Variants in RAPGEF5 observed in about 807,000 individuals in gnomAD.
RAPGEF5 encodes the protein Rap guanine nucleotide exchange factor 5, also known as M-Ras-regulated GEF.
In RAPGEF5, 65 loss-of-function variants were observed where a neutral mutation model predicts 125.2. The observed-to-expected ratio is 0.52, with a 90% CI of 0.43 to 0.64. The LOEUF (loss-of-function observed/expected upper bound fraction) is 0.64, where lower values mean the gene tolerates loss of function less well. RAPGEF5 is among the 30% of genes least tolerant of loss of function. The probability of loss-of-function intolerance (pLI) is 0.00; values close to 1 mark genes in which losing one functional copy is unlikely to be tolerated. For missense variants in RAPGEF5, 958 were observed against 1,048.1 expected (o/e 0.91, Z 1.19); for synonymous variants, 391 against 385.9 (o/e 1.01, Z -0.16).
intron 7 of RAPGEF5, among the ~76,000 whole-genome samples, chr7:22,235,253 T>C (rs1786159525): frequency 6.6e-6 from 1 of 152,224 alleles, no homozygotes; most frequent in African/African-American, 2.4e-5. Flanking sequence ...ATTAAGGGTC[T>C]CATCTGATGT....
At chr7:22,158,129 T>C (rs1489451360) in intron 14 of RAPGEF5, among the ~76,000 whole-genome samples, 2 of 152,192 alleles carry the variant, frequency 1.3e-5, no homozygotes, top group African/African-American at 2.4e-5. Flanking sequence ...CCACAGAAAG[T>C]AAAGCTCAGA....
chr7:22,291,061 G>C, intron 6 of RAPGEF5, 114 bp downstream of exon 6: 1 of 1,227,774 alleles, frequency 8.1e-7, no homozygotes, highest in Non-Finnish European at 1.1e-6. Context: ...CTCCCACAAT[G>C]ATGAGCAGCC....
intron 1 of RAPGEF5, among the ~76,000 whole-genome samples, chr7:22,344,469 G>A (rs1784186322): frequency 6.6e-6 from 1 of 152,284 alleles, no homozygotes; most frequent in African/African-American, 2.4e-5. Context: ...ATTGAGGAGG[G>A]ACTGCCCAGG....
intron 12 of RAPGEF5, among the ~76,000 whole-genome samples, chr7:22,164,874 A>G: frequency 1.3e-5 from 2 of 152,336 alleles, no homozygotes; most frequent in African/African-American, 4.8e-5. Flanking sequence ...CTTATCTAAA[A>G]TATCTAAAAC....
chr7:22,308,261 G>T, intron 5 of RAPGEF5, 78 bp downstream of exon 5: 2 of 1,329,404 alleles, frequency 1.5e-6, no homozygotes, highest in East Asian at 2.8e-5. Flanking sequence ...TGATCTTAAA[G>T]AGCAGAATAT....
intron 7 of RAPGEF5, among the ~76,000 whole-genome samples, chr7:22,252,162 G>T (rs1235513384): frequency 6.6e-6 from 1 of 152,174 alleles, no homozygotes; most frequent in Non-Finnish European, 1.5e-5. Flanking sequence ...TCCAGGCTTA[G>T]CAATGTGTAT....
At chr7:22,266,090 A>G (rs943044582) in intron 7 of RAPGEF5, among the ~76,000 whole-genome samples, 25 of 152,306 alleles carry the variant, frequency 1.6e-4, no homozygotes, top group African/African-American at 5.5e-4. Context: ...TCAAATTCTT[A>G]GGGTTTCTAA....
At chr7:22,336,665 G>A (rs73683353) in intron 1 of RAPGEF5, among the ~76,000 whole-genome samples, 21,668 of 152,114 alleles carry the variant, frequency 0.14, 1,541 homozygotes, top group East Asian at 0.17. Flanking sequence ...ACAGAAGTTC[G>A]TGCCATTTGC....
intron 11 of RAPGEF5, among the ~76,000 whole-genome samples, chr7:22,178,141 C>T (rs1392925923): frequency 1.3e-5 from 2 of 151,542 alleles, no homozygotes; most frequent in East Asian, 3.9e-4. Flanking sequence ...TGAAATGGTC[C>T]ACAAATTCCT....
intron 1 of RAPGEF5, among the ~76,000 whole-genome samples, chr7:22,334,313 A>AAC (rs1284568620): frequency 4.6e-5 from 7 of 152,278 alleles, no homozygotes; most frequent in South Asian, 2.1e-4. Flanking sequence ...TAGTATTAAT[A>AAC]ACACACACAC....
rs560873322 is a variant in RAPGEF5, at chr7:22,118,324, A to G, written c.*4082T>C. 6.9e-6 allele frequency: 1 copy of G among 145,014 alleles called. No homozygotes were observed. The highest frequency in any genetic ancestry group is 2.0e-4 in the East Asian group (1 of 5,072). 9.0% of individuals were successfully genotyped at this position (145,014 alleles called of 1,614,324 possible). ...TGAATAGTGTCTTTAACATAGTCTCATATTTGGAAAAGCAGTTTTAAAAAA... is the reference window on the plus strand; with the variant it reads ...TGAATAGTGTCTTTAACATAGTCTCGTATTTGGAAAAGCAGTTTTAAAAAA... On this transcript the variant is annotated 3_prime_UTR_variant, in exon 26 of 26. Transcript: ENST00000665637.
At chr7:22,172,027 A>G (rs1012501993) in intron 11 of RAPGEF5, among the ~76,000 whole-genome samples, 1 of 152,222 alleles carries the variant, frequency 6.6e-6, no homozygotes. Context: ...AAAACTTGAA[A>G]TAAAATATAT....
chr7:22,321,695 C>T (rs949823299), intron 1 of RAPGEF5, among the ~76,000 whole-genome samples: 1 of 152,168 alleles, frequency 6.6e-6, no homozygotes, highest in Non-Finnish European at 1.5e-5. Context: ...AGCCACTGTC[C>T]CTTTTCCTAT....
At position 22,304,492 on chromosome 7, in the gene RAPGEF5, T is replaced by G. The variant is rs1783286913; in HGVS notation, c.680+3847A>C. Reference sequence around the variant, plus strand: ...TGCAAATTTTAAAATTTTTCATTTTTAGAAATTAGAGTAGACCCAAGGTTT... The same window carrying G: ...TGCAAATTTTAAAATTTTTCATTTTGAGAAATTAGAGTAGACCCAAGGTTT... On this transcript the variant is annotated intron_variant, in intron 5 of 25. Transcript: ENST00000665637. Among the ~76,000 whole-genome samples the G allele has an allele frequency of 3.3e-5, 5 of 152,276 alleles. No homozygotes were observed. In the South Asian group the frequency reaches 1.0e-3, roughly 31 times the overall value.
intron 9 of RAPGEF5, among the ~76,000 whole-genome samples, chr7:22,204,451 T>G (rs540045492): frequency 6.6e-6 from 1 of 152,306 alleles, no homozygotes; most frequent in East Asian, 1.9e-4. Context: ...CGTGAGGAAA[T>G]GCTTGTGTGT....
intron 24 of RAPGEF5, among the ~76,000 whole-genome samples, chr7:22,128,326 A>G (rs1424811260): frequency 6.6e-6 from 1 of 152,220 alleles, no homozygotes; most frequent in Non-Finnish European, 1.5e-5. Context: ...TAAAGAACAG[A>G]AATCTCATTA....
Position 22,175,094 on chromosome 7 carries a change from G to A in RAPGEF5, c.1205-7946C>T, listed in dbSNP as rs563432736. 2.2e-4 allele frequency among the ~76,000 whole-genome samples: 33 copies of A among 152,250 alleles called. 1 individual carries two copies. The East Asian group carries it at 5.0e-3, about 23-fold the overall frequency. ...AAGGAGGAGAGAAACAGAATAAAGA[G>A]AAACGAATGTACAGTCAATAGCCTC... On this transcript the variant is annotated intron_variant, in intron 11 of 25. Coordinates refer to ENST00000665637, the MANE Select transcript of RAPGEF5 (RefSeq NM_012294.5).
intron 7 of RAPGEF5, among the ~76,000 whole-genome samples, chr7:22,248,453 G>A (rs368588883): frequency 3.9e-5 from 6 of 152,200 alleles, no homozygotes; most frequent in African/African-American, 1.4e-4. Flanking sequence ...CAGACTGGGT[G>A]TGTTGCTGTA....
chr7:22,224,677 G>C (rs553586208), intron 8 of RAPGEF5, among the ~76,000 whole-genome samples: 1 of 152,038 alleles, frequency 6.6e-6, no homozygotes, highest in African/African-American at 2.4e-5. Context: ...ACACATATGA[G>C]AGTACTGGAT....
Sources: gnomAD v4.1 joint callset for allele counts (sites outside exome capture counted in the v4.1 genomes callset) on GRCh38, gnomAD v4.1.1 for gene constraint, MANE v1.5 for transcripts, NCBI Gene and HGNC (gene_info 2026-07-23, HGNC 2026-07-21) for gene names.